The following ADGB variants were observed in gnomAD, a reference collection of about 807,000 sequenced individuals.
The protein encoded by ADGB is androglobin.
ADGB carries 172 observed loss-of-function variants against 210.5 expected under a neutral mutation model. The observed-to-expected ratio is 0.82, with a 90% CI of 0.72 to 0.93. The LOEUF is 0.93. Ranked by LOEUF, ADGB falls within the 40% of genes least tolerant of loss-of-function variation. The pLI, the probability that ADGB is intolerant of heterozygous loss-of-function variation, is 0.00. For missense variants in ADGB, 2,025 were observed against 1,964.8 expected (o/e 1.03, Z -0.58); for synonymous variants, 658 against 662.7 (o/e 0.99, Z 0.11).
intron 1 of ADGB, among the ~76,000 whole-genome samples, chr6:146,631,711 T>A (rs977523991): frequency 6.6e-6 from 1 of 152,088 alleles, no homozygotes; most frequent in African/African-American, 2.4e-5. Context: ...AAATCCTACC[T>A]GTGGAGGCAC....
chr6:146,650,779 C>A (rs1216771056), intron 3 of ADGB, among the ~76,000 whole-genome samples: 1 of 152,064 alleles, frequency 6.6e-6, no homozygotes, highest in Non-Finnish European at 1.5e-5. Flanking sequence ...AGGGGCAAGA[C>A]TAAACAGACA....
At chr6:146,653,309 A>G (rs1162782444) in intron 3 of ADGB, among the ~76,000 whole-genome samples, 2 of 152,112 alleles carry the variant, frequency 1.3e-5, no homozygotes, top group Non-Finnish European at 2.9e-5. Flanking sequence ...AATAAAGTGC[A>G]CAATAAATGT....
intron 13 of ADGB, among the ~76,000 whole-genome samples, chr6:146,711,784 T>G (rs781683120): frequency 8.5e-5 from 13 of 152,092 alleles, no homozygotes; most frequent in Non-Finnish European, 1.8e-4. Flanking sequence ...AATCCCAGCA[T>G]GTTGGTAGGC....
At chr6:146,809,255 G>C (rs1019962254) in intron 35 of ADGB, among the ~76,000 whole-genome samples, 2 of 152,208 alleles carry the variant, frequency 1.3e-5, no homozygotes, top group African/African-American at 4.8e-5. Context: ...GCCTAGGCTA[G>C]AGTGCAATGG....
intron 10 of ADGB, 66 bp downstream of exon 10, chr6:146,685,894 A>G (rs1583589495): frequency 1.1e-6 from 1 of 951,544 alleles, no homozygotes; most frequent in Non-Finnish European, 1.5e-6. Flanking sequence ...TGTGTGTGTG[A>G]TTACTTGCTG....
At chr6:146,672,897 ATT>A (rs1776030911) in intron 8 of ADGB, among the ~76,000 whole-genome samples, 1 of 151,372 alleles carries the variant, frequency 6.6e-6, no homozygotes, top group Non-Finnish European at 1.5e-5. Flanking sequence ...CGCCCAGCTA[ATT>A]TTTGTGTTTT....
intron 8 of ADGB, among the ~76,000 whole-genome samples, chr6:146,672,787 G>A (rs1451054484): frequency 6.7e-6 from 1 of 149,806 alleles, no homozygotes; most frequent in African/African-American, 2.5e-5. Context: ...CTGGAGTCCA[G>A]TGGCACAATC....
At chr6:146,656,288 C>G (rs1480342137) in intron 4 of ADGB, among the ~76,000 whole-genome samples, 1 of 152,228 alleles carries the variant, frequency 6.6e-6, no homozygotes, top group East Asian at 1.9e-4. Context: ...GTGGGATTTA[C>G]AGTATATTTA....
intron 24 of ADGB, among the ~76,000 whole-genome samples, chr6:146,740,833 A>AT: frequency 6.6e-6 from 1 of 152,290 alleles, no homozygotes; most frequent in Admixed American, 6.5e-5. Flanking sequence ...TAAAAATACT[A>AT]TAACAAATTA....
Position 146,721,425 on chromosome 6 carries a change from A to G in ADGB, c.2015A>G (p.Tyr672Cys), listed in dbSNP as rs1457879148. The change falls in exon 17 of 36, where the codon TAC becomes TGC. Residue 672 changes from tyrosine to cysteine, a missense_variant. Coordinates refer to ENST00000397944, the MANE Select transcript of ADGB (RefSeq NM_024694.4). The part of the protein sequence containing the change: ...EFKFSEERVS[Y>C]YLFVDSLKPI... ...CAGTTCTCAGAAGAACGAGTGTCCT[A>G]CTATCTATTTGTAGATAGTCTAAAA... is the stretch of plus-strand genomic sequence containing the variant. 2.6e-6 allele frequency: 4 copies of G among 1,549,996 alleles called. No individual in the cohort carries two copies. Among genetic ancestry groups the G allele is most frequent in the East Asian group, 2.4e-5 (1 of 40,916 alleles).
rs1351428980 is a variant in ADGB at position 146,685,828 on chromosome 6, G to T, written c.1311G>T (p.Met437Ile). 2 of 1,515,550 alleles carry T rather than the reference G, an allele frequency of 1.3e-6. No homozygotes were observed. The highest frequency in any genetic ancestry group is 2.8e-5 in the African/African-American group (2 of 71,328). 93.9% of individuals were successfully genotyped at this position (1,515,550 alleles called of 1,614,324 possible). A position where few individuals can be genotyped will look rare whatever the true frequency, so the allele number is the denominator to read the frequency against. ...ACAAGATCTTTTCATTAGAGAAGAT[G>T]GTAAGCATTCAAGCTTAGGAAACAG... ...FENKIFSLEKMADSAEKLREY... is the reference protein window; with the variant it reads ...FENKIFSLEKIADSAEKLREY... The change falls in exon 10 of 36, where the codon ATG (methionine) becomes ATT (isoleucine). Residue 437 changes from methionine to isoleucine, a missense_variant and splice_region_variant. Coordinates refer to ENST00000397944, the MANE Select transcript of ADGB (RefSeq NM_024694.4).
chr6:146,813,768 T>C (rs1464559906), intron 35 of ADGB, among the ~76,000 whole-genome samples: 1 of 152,222 alleles, frequency 6.6e-6, no homozygotes, highest in East Asian at 1.9e-4. Context: ...TTTGTGGTTT[T>C]TGTGTGTAAT....
At chr6:146,636,399 A>G (rs890234557) in intron 2 of ADGB, among the ~76,000 whole-genome samples, 2 of 152,084 alleles carry the variant, frequency 1.3e-5, no homozygotes, top group African/African-American at 2.4e-5. Context: ...AAGGTACGCA[A>G]TAAAGGTATT....
intron 1 of ADGB, among the ~76,000 whole-genome samples, chr6:146,614,605 G>A (rs1334639654): frequency 6.6e-6 from 1 of 152,014 alleles, no homozygotes; most frequent in African/African-American, 2.4e-5. Flanking sequence ...TATTTATAGG[G>A]TAATGTGATA....
chr6:146,691,411 A>AATATATAT (rs71031004), intron 11 of ADGB, 121 bp downstream of exon 11: 1 of 98,200 alleles, frequency 1.0e-5, no homozygotes, highest in Non-Finnish European at 1.6e-5. Context: ...GCCTATGTTT[A>AATATATAT]ATATATATAT....
At chr6:146,767,466 C>G (rs1777593566) in intron 28 of ADGB, among the ~76,000 whole-genome samples, 1 of 152,036 alleles carries the variant, frequency 6.6e-6, no homozygotes, top group Non-Finnish European at 1.5e-5. Flanking sequence ...CTTGAATTCT[C>G]CCCATCAACT....
At chr6:146,616,176 A>G (rs1780796363) in intron 1 of ADGB, among the ~76,000 whole-genome samples, 1 of 151,240 alleles carries the variant, frequency 6.6e-6, no homozygotes, top group Middle Eastern at 3.4e-3. Flanking sequence ...ATGATGTTGA[A>G]TATTTTGTAT....
At position 146,716,472 on chromosome 6, in the gene ADGB, A is replaced by G. The variant is rs907783090; in HGVS notation, c.1742-411A>G. The stretch of plus-strand genomic sequence containing the variant: ...GCCGGGCGCGGTGGCGGGCGCCTGT[A>G]GTCCCAGCTACTCGGGAGGCTGAGG... On this transcript the variant is annotated intron_variant, in intron 14 of 35. Coordinates refer to ENST00000397944, the MANE Select transcript of ADGB (RefSeq NM_024694.4). Among the ~76,000 whole-genome samples, 6 of 142,518 alleles carry G rather than the reference A, an allele frequency of 4.2e-5. No homozygotes were observed. In the South Asian group the frequency reaches 6.3e-4, roughly 15 times the overall value. 93.5% of individuals were successfully genotyped at this position (142,518 alleles called of 152,430 possible).
chr6:146,698,649 T>C (rs1776444025), intron 12 of ADGB, among the ~76,000 whole-genome samples: 1 of 152,228 alleles, frequency 6.6e-6, no homozygotes, highest in South Asian at 2.1e-4. Flanking sequence ...GCGGGACAGC[T>C]TTATAACCAG....
Sources: allele counts gnomAD v4.1 joint callset (sites outside exome capture counted in the v4.1 genomes callset), GRCh38; gene constraint gnomAD v4.1.1; transcripts MANE v1.5; gene names NCBI Gene and HGNC (gene_info 2026-07-23, HGNC 2026-07-21).